The following XPNPEP3 variants were observed in gnomAD, a reference collection of about 807,000 sequenced individuals.
XPNPEP3 encodes the protein xaa-Pro aminopeptidase 3.
A neutral mutation model predicts 60.0 loss-of-function variants in XPNPEP3; 41 were observed. The observed-to-expected ratio is 0.68, with a 90% CI of 0.53 to 0.89. XPNPEP3 has a LOEUF of 0.89. Among genes scored for constraint, XPNPEP3 ranks in the 40% least tolerant of loss-of-function variants. XPNPEP3 has a pLI of 0.00. For missense variants in XPNPEP3, 598 were observed against 638.9 expected (o/e 0.94, Z 0.69); for synonymous variants, 212 against 223.2 (o/e 0.95, Z 0.45).
At position 40,857,159 on chromosome 22, in the gene XPNPEP3, C is replaced by T. The variant is rs149610579; in HGVS notation, c.-23C>T. 785 of 1,613,912 alleles carry T rather than the reference C, an allele frequency of 4.9e-4. 9 individuals are homozygous for T. In the East Asian group the frequency reaches 0.016, roughly 33 times the overall value. On this transcript the variant is annotated 5_prime_UTR_variant, in exon 1 of 10. Transcript: ENST00000357137. Reference sequence around the variant, plus strand: ...TCCCCGTCGTTACCCTCTTTCTCTTCCCGACGCGTGAGTTAGGCCGTAATG... The same window carrying T: ...TCCCCGTCGTTACCCTCTTTCTCTTTCCGACGCGTGAGTTAGGCCGTAATG...
At chr22:40,905,513 A>G (rs1036142080) in intron 4 of XPNPEP3, among the ~76,000 whole-genome samples, 4 of 152,196 alleles carry the variant, frequency 2.6e-5, no homozygotes, top group African/African-American at 9.6e-5. Flanking sequence ...TCACAGTTAC[A>G]TTCTGGTGGA....
At chr22:40,915,124 T>C (rs1051088987) in intron 7 of XPNPEP3, among the ~76,000 whole-genome samples, 9 of 146,770 alleles carry the variant, frequency 6.1e-5, no homozygotes, top group Admixed American at 4.9e-4. Context: ...TGATCTCGGC[T>C]CACTGCTAGC....
chr22:40,904,789 G>A lies in XPNPEP3; in HGVS notation c.793-2798G>A, dbSNP rs752946448. Among the ~76,000 whole-genome samples, 103 of 152,128 alleles carry A rather than the reference G, an allele frequency of 6.8e-4. No homozygotes were observed. In the Middle Eastern group the frequency reaches 0.014, roughly 20 times the overall value. On this transcript the variant is annotated intron_variant, in intron 4 of 9. Coordinates refer to ENST00000357137, the MANE Select transcript of XPNPEP3 (RefSeq NM_022098.4). ...TAATTTTTTTATTTTTTTTGAGATGGAGTCTTGCCGTGGTACCCAGGCTGG... is the reference window on the plus strand; with the variant it reads ...TAATTTTTTTATTTTTTTTGAGATGAAGTCTTGCCGTGGTACCCAGGCTGG...
chr22:40,883,089 A>G (rs925147005), intron 3 of XPNPEP3, among the ~76,000 whole-genome samples: 19 of 152,162 alleles, frequency 1.2e-4, no homozygotes, highest in African/African-American at 4.3e-4. Context: ...CAGGATGGGC[A>G]TGGACCACTC....
At position 40,881,813 on chromosome 22, in the gene XPNPEP3, C is replaced by T. The variant is rs1330148638; in HGVS notation, c.225C>T (p.Arg75=). 2.5e-6 allele frequency: 4 copies of T among 1,614,216 alleles called. No homozygotes were observed. Among genetic ancestry groups the T allele is most frequent in the Non-Finnish European group, 3.4e-6 (4 of 1,180,026 alleles). Residue 75 remains arginine (R), a synonymous_variant, in exon 3 of 10, where the codon CGC becomes CGT. Transcript: ENST00000357137. ...PGLSQVEYAL[R]RHKLMSLIQK... ...TATCTCAGGTGGAATATGCACTTCG[C>T]AGACACAAACTAATGTCTCTGATCC...
At chr22:40,876,783 T>A (rs1316881674) in intron 2 of XPNPEP3, among the ~76,000 whole-genome samples, 1 of 152,262 alleles carries the variant, frequency 6.6e-6, no homozygotes, top group Non-Finnish European at 1.5e-5. Context: ...TAATATTTTT[T>A]AAAGTATTTT....
At position 40,929,666 on chromosome 22, in the gene XPNPEP3, C is replaced by G. The variant is rs918159447; in HGVS notation, c.*3231C>G. ...TTCTGGTGATTTTCAGTCCCTGACC[C>G]AGGTATATTGTCCTTTGAGTCCCAG... On this transcript the variant is annotated 3_prime_UTR_variant, in exon 10 of 10. Transcript: ENST00000357137. 2 of 152,160 alleles carry G rather than the reference C, an allele frequency of 1.3e-5. No homozygotes were observed. The highest frequency in any genetic ancestry group is 4.8e-5 in the African/African-American group (2 of 41,422). The allele number at this position is 152,160 out of a possible 1,614,324, so 9.4% of individuals were successfully genotyped here.
At chr22:40,875,541 A>G (rs373350211) in intron 2 of XPNPEP3, among the ~76,000 whole-genome samples, 2 of 152,300 alleles carry the variant, frequency 1.3e-5, no homozygotes, top group African/African-American at 4.8e-5. Context: ...CATGTCTAGT[A>G]CATATTGATA....
chr22:40,863,404 T>C (rs2057961907), intron 1 of XPNPEP3, among the ~76,000 whole-genome samples: 1 of 152,240 alleles, frequency 6.6e-6, no homozygotes, highest in Non-Finnish European at 1.5e-5. Flanking sequence ...TTTCCTCCTC[T>C]ATGTTGTGTT....
At position 40,911,585 on chromosome 22, in the gene XPNPEP3, A is replaced by ACTG. The variant is rs2058177517; in HGVS notation, c.969+2351_969+2353dup. On this transcript the variant is annotated intron_variant, in intron 6 of 9. Transcript: ENST00000357137. ...ATGGAGTTTCACTCTTGTCACCCAA[A>ACTG]CTGGAGTGCAGTAGTACAGTCTCGG... is the stretch of plus-strand genomic sequence containing the variant. Among the ~76,000 whole-genome samples the ACTG allele has an allele frequency of 3.3e-5, 5 of 150,480 alleles. No individual in the cohort carries two copies. The South Asian group carries it at 1.1e-3, about 32-fold the overall frequency.
Position 40,858,373 on chromosome 22 carries a change from C to G in XPNPEP3, c.64+1128C>G, listed in dbSNP as rs573121979. 2.2e-3 allele frequency among the ~76,000 whole-genome samples: 333 copies of G among 152,228 alleles called. 3 individuals are homozygous for G. Among genetic ancestry groups the G allele is most frequent in the African/African-American group, 7.9e-3 (326 of 41,524 alleles). On this transcript the variant is annotated intron_variant, in intron 1 of 9. Coordinates refer to ENST00000357137, the MANE Select transcript of XPNPEP3 (RefSeq NM_022098.4). ...CCACCCTCCTCTCTGAGCCACCGCC[C>G]CAGGCCTGGAATTTGCTTTTATTTG...
At chr22:40,861,028 C>T in intron 1 of XPNPEP3, 1 of 1,534,944 alleles carries the variant, frequency 6.5e-7, no homozygotes, top group Admixed American at 2.1e-5. Context: ...AAAACACACA[C>T]AATTGTGTTC....
chr22:40,908,572 G>C (rs536749488), intron 5 of XPNPEP3, among the ~76,000 whole-genome samples: 4 of 152,234 alleles, frequency 2.6e-5, no homozygotes, highest in Admixed American at 2.6e-4. Context: ...CCAACCTCCA[G>C]CTCCATCCTG....
At chr22:40,883,611 C>G (rs2058057131) in intron 3 of XPNPEP3, among the ~76,000 whole-genome samples, 1 of 152,152 alleles carries the variant, frequency 6.6e-6, no homozygotes, top group Non-Finnish European at 1.5e-5. Context: ...AGCCTCCCAC[C>G]TCAGCCTCCT....
At chr22:40,923,871 C>G (rs2058225296) in intron 8 of XPNPEP3, among the ~76,000 whole-genome samples, 1 of 151,510 alleles carries the variant, frequency 6.6e-6, no homozygotes, top group South Asian at 2.1e-4. Context: ...GAAAGAAATA[C>G]CCAAGCTGGT....
In XPNPEP3 at chr22:40,898,565, G is replaced by A. The variant is rs1227863583; in HGVS notation, c.793-9022G>A. On this transcript the variant is annotated intron_variant, in intron 4 of 9. Coordinates refer to ENST00000357137, the MANE Select transcript of XPNPEP3 (RefSeq NM_022098.4). ...ACCGCGCCCGGCCGACCCATTTTGAGTTAATATTTATATATGGTATAAACT... is the reference window on the plus strand; with the variant it reads ...ACCGCGCCCGGCCGACCCATTTTGAATTAATATTTATATATGGTATAAACT... Among the ~76,000 whole-genome samples, 7 of 151,870 alleles carry A rather than the reference G, an allele frequency of 4.6e-5. 1 individual carries two copies. The highest frequency in any genetic ancestry group is 1.7e-4 in the African/African-American group (7 of 41,278).
chr22:40,905,504 C>T (rs537225601), intron 4 of XPNPEP3, among the ~76,000 whole-genome samples: 2 of 152,274 alleles, frequency 1.3e-5, no homozygotes, highest in Admixed American at 1.3e-4. Context: ...GCTCACTCTT[C>T]ACAGTTACAT....
intron 4 of XPNPEP3, among the ~76,000 whole-genome samples, chr22:40,897,620 G>A (rs1057301092): frequency 6.6e-6 from 1 of 151,878 alleles, no homozygotes; most frequent in African/African-American, 2.4e-5. Context: ...TCCCACCTCA[G>A]CCTCCTGATT....
chr22:40,878,512 G>T (rs2058035780), intron 2 of XPNPEP3, among the ~76,000 whole-genome samples: 1 of 151,936 alleles, frequency 6.6e-6, no homozygotes, highest in African/African-American at 2.4e-5. Flanking sequence ...TAATGAAAAT[G>T]AGAGATAACA....
Sources: gnomAD v4.1 joint callset for allele counts (sites outside exome capture counted in the v4.1 genomes callset) on GRCh38, gnomAD v4.1.1 for gene constraint, MANE v1.5 for transcripts, NCBI Gene and HGNC (gene_info 2026-07-23, HGNC 2026-07-21) for gene names.